Variants in DOK6 observed in about 807,000 individuals in gnomAD.
DOK6 encodes the protein downstream of tyrosine kinase 6.
DOK6 carries 22 observed loss-of-function variants against 44.0 expected under a neutral mutation model. The ratio of observed to expected loss-of-function variants is 0.50; its 90% CI spans 0.36 to 0.71. DOK6 has a LOEUF of 0.71. DOK6 is among the 30% of genes least tolerant of loss of function. The pLI, the probability that DOK6 is intolerant of heterozygous loss-of-function variation, is 0.00. For missense variants in DOK6, 340 were observed against 416.4 expected, an observed-to-expected ratio of 0.82 and a Z score of 1.60; for synonymous variants, 166 against 145.5, an observed-to-expected ratio of 1.14 and a Z score of -1.01.
At chr18:69,624,636 C>T (rs930064078) in intron 3 of DOK6, among the ~76,000 whole-genome samples, 26 of 152,214 alleles carry the variant, frequency 1.7e-4, no homozygotes, top group African/African-American at 3.6e-4. Flanking sequence ...GTATTACTTA[C>T]TGGTTCCTTT....
intron 3 of DOK6, among the ~76,000 whole-genome samples, chr18:69,610,422 T>C (rs895975111): frequency 6.6e-6 from 1 of 152,182 alleles, no homozygotes; most frequent in Admixed American, 6.6e-5. Flanking sequence ...AAGTACATTA[T>C]GTATAACGGC....
chr18:69,602,651 A>C (rs1983899198), intron 3 of DOK6, among the ~76,000 whole-genome samples: 1 of 152,226 alleles, frequency 6.6e-6, no homozygotes, highest in African/African-American at 2.4e-5. Flanking sequence ...TACTAATAGA[A>C]GATAGATATA....
chr18:69,686,588 T>G (rs1986157679), intron 4 of DOK6, among the ~76,000 whole-genome samples: 1 of 152,160 alleles, frequency 6.6e-6, no homozygotes, highest in African/African-American at 2.4e-5. Flanking sequence ...AGAAATGCCC[T>G]AAATTTCCCA....
At chr18:69,828,902 T>G (rs1173396847) in intron 7 of DOK6, among the ~76,000 whole-genome samples, 2 of 29,370 alleles carry the variant, frequency 6.8e-5, no homozygotes, top group African/African-American at 1.1e-4. Context: ...ATATATATAG[T>G]ATGTATGTTA....
At chr18:69,692,780 ATATG>A (rs1489357227) in intron 4 of DOK6, among the ~76,000 whole-genome samples, 1 of 152,260 alleles carries the variant, frequency 6.6e-6, no homozygotes, top group Non-Finnish European at 1.5e-5. Context: ...GAATGAAAAA[ATATG>A]TAAACAAATT....
At chr18:69,809,487 A>G (rs188659438) in intron 7 of DOK6, among the ~76,000 whole-genome samples, 3 of 151,692 alleles carry the variant, frequency 2.0e-5, no homozygotes, top group African/African-American at 7.2e-5. Flanking sequence ...ATTGAATTGA[A>G]AAGGAAGAAG....
chr18:69,831,399 T>G (rs908100542), intron 7 of DOK6, among the ~76,000 whole-genome samples: 1 of 152,188 alleles, frequency 6.6e-6, no homozygotes, highest in Non-Finnish European at 1.5e-5. Context: ...AGAAATAATG[T>G]TTCACCAGCT....
chr18:69,743,674 AG>A lies in DOK6; in HGVS notation c.738+4572del, dbSNP rs534955432. Among the ~76,000 whole-genome samples, 720 of 152,240 alleles carry A rather than the reference AG, an allele frequency of 4.7e-3. 3 individuals are homozygous for A. Among genetic ancestry groups the A allele is most frequent in the African/African-American group, 0.016 (661 of 41,508 alleles). On this transcript the variant is annotated intron_variant, in intron 6 of 7. Transcript: ENST00000382713. ...GAGAAGACAAGAATGAGAAAAAAAAAGATTTTTTTTTTCTGCTATATCCAAA... is the reference window on the plus strand; with the variant it reads ...GAGAAGACAAGAATGAGAAAAAAAAAATTTTTTTTTTCTGCTATATCCAAA...
chr18:69,788,865 T>C (rs2064595814), intron 7 of DOK6, among the ~76,000 whole-genome samples: 1 of 152,182 alleles, frequency 6.6e-6, no homozygotes, highest in South Asian at 2.1e-4. Flanking sequence ...TCAGCAACGC[T>C]ATCTCATGAA....
intron 1 of DOK6, among the ~76,000 whole-genome samples, chr18:69,477,756 A>G (rs1980307161): frequency 6.6e-6 from 1 of 152,214 alleles, no homozygotes; most frequent in African/African-American, 2.4e-5. Flanking sequence ...CTGCATGATC[A>G]ATATTCATTT....
At chr18:69,668,687 G>A (rs1985720171) in intron 3 of DOK6, among the ~76,000 whole-genome samples, 1 of 152,186 alleles carries the variant, frequency 6.6e-6, no homozygotes, top group Admixed American at 6.5e-5. Flanking sequence ...GTGATATCGG[G>A]ATGATGTATA....
intron 3 of DOK6, among the ~76,000 whole-genome samples, chr18:69,651,907 TC>T (rs1327275887): frequency 6.6e-6 from 1 of 151,056 alleles, no homozygotes; most frequent in Non-Finnish European, 1.5e-5. Flanking sequence ...TTATTCAGAA[TC>T]CTTTCGATAC....
intron 1 of DOK6, among the ~76,000 whole-genome samples, chr18:69,431,359 G>A (rs1978802164): frequency 6.6e-6 from 1 of 152,166 alleles, no homozygotes; most frequent in Non-Finnish European, 1.5e-5. Flanking sequence ...TGAGTTGTCA[G>A]TTGCTGTAGC....
At chr18:69,526,968 C>A (rs748583738) in intron 1 of DOK6, among the ~76,000 whole-genome samples, 4 of 152,202 alleles carry the variant, frequency 2.6e-5, no homozygotes, top group Non-Finnish European at 4.4e-5. Context: ...CGATCCCCTT[C>A]CCTTGCTTAT....
chr18:69,564,834 T>C (rs527777445), intron 2 of DOK6, among the ~76,000 whole-genome samples: 1 of 152,332 alleles, frequency 6.6e-6, no homozygotes, highest in South Asian at 2.1e-4. Flanking sequence ...AGATGACTCA[T>C]AACTCAACCA....
chr18:69,419,158 A>T lies in DOK6; in HGVS notation c.66+17848A>T, dbSNP rs148567912. ...GATGTTGAGCTCTAGAGCCATCTTG[A>T]CTAAATTTTAGAAGACTTCATTACT... is the stretch of plus-strand genomic sequence containing the variant. On this transcript the variant is annotated intron_variant, in intron 1 of 7. Coordinates refer to ENST00000382713, the MANE Select transcript of DOK6 (RefSeq NM_152721.6). 4.6e-5 allele frequency among the ~76,000 whole-genome samples: 7 copies of T among 152,280 alleles called. No individual in the cohort carries two copies. In the East Asian group the frequency reaches 1.2e-3, roughly 25 times the overall value.
At chr18:69,509,515 T>A (rs373558145) in intron 1 of DOK6, among the ~76,000 whole-genome samples, 22 of 151,276 alleles carry the variant, frequency 1.5e-4, no homozygotes, top group Admixed American at 1.3e-3. Flanking sequence ...GCGGGCGCCT[T>A]TAGTCCCAGC....
intron 1 of DOK6, among the ~76,000 whole-genome samples, chr18:69,527,611 T>C (rs1021211683): frequency 7.9e-5 from 12 of 152,166 alleles, no homozygotes; most frequent in African/African-American, 2.4e-4. Flanking sequence ...AGTCAAACCA[T>C]AGCATAATGC....
At chr18:69,642,512 A>G (rs1984968810) in intron 3 of DOK6, among the ~76,000 whole-genome samples, 1 of 151,648 alleles carries the variant, frequency 6.6e-6, no homozygotes, top group African/African-American at 2.4e-5. Flanking sequence ...ACAAACACTT[A>G]AACACTTATT....
Sources: allele counts gnomAD v4.1 joint callset (sites outside exome capture counted in the v4.1 genomes callset), GRCh38; gene constraint gnomAD v4.1.1; transcripts MANE v1.5; gene names NCBI Gene and HGNC (gene_info 2026-07-23, HGNC 2026-07-21).